DGCR2: variants seen among roughly 807,000 people sequenced by gnomAD.
DGCR2 encodes integral membrane protein DGCR2/IDD.
DGCR2 carries 24 observed loss-of-function variants against 51.6 expected under a neutral mutation model. The ratio of observed to expected loss-of-function variants is 0.47; its 90% CI spans 0.34 to 0.65. DGCR2 has a LOEUF of 0.65. Among genes scored for constraint, DGCR2 ranks in the 30% least tolerant of loss-of-function variants. The pLI is 0.01. For synonymous variants in DGCR2, 340 were observed against 315.4 expected, an observed-to-expected ratio of 1.08 and a Z score of -0.82; for missense variants, 765 against 772.1, an observed-to-expected ratio of 0.99 and a Z score of 0.11.
rs1381274942 is a variant in DGCR2 at position 19,038,765 on chromosome 22, G to A, written c.*100C>T. The A allele has an allele frequency of 6.8e-7, 1 of 1,476,684 alleles. No homozygotes were observed. Among genetic ancestry groups the A allele is most frequent in the East Asian group, 2.3e-5 (1 of 43,724 alleles). The allele number at this position is 1,476,684 out of a possible 1,614,324, so 91.5% of individuals were successfully genotyped here. ...CGCCAGTGACGTGCGGCAGTGCGTG[G>A]CGTCCAGGCTGGGACAGGGGCCTTT... On this transcript the variant is annotated 3_prime_UTR_variant, in exon 10 of 10. Coordinates refer to ENST00000263196, the MANE Select transcript of DGCR2 (RefSeq NM_005137.3).
chr22:19,061,754 C>G (rs2082665643), intron 5 of DGCR2: 1 of 152,232 alleles, frequency 6.6e-6, no homozygotes, highest in Non-Finnish European at 1.5e-5. Context: ...TAACTGGGCA[C>G]AAGCAGGCAG....
rs2082398094 is a variant in DGCR2 at position 19,038,774 on chromosome 22, C to G, written c.*91G>C. 3.3e-6 allele frequency: 5 copies of G among 1,526,316 alleles called. No individual in the cohort carries two copies. The South Asian group carries it at 6.3e-5, about 19-fold the overall frequency. 94.5% of individuals were successfully genotyped at this position (1,526,316 alleles called of 1,614,324 possible). A position where few individuals can be genotyped will look rare whatever the true frequency, so the allele number is the denominator to read the frequency against. The stretch of plus-strand genomic sequence containing the variant: ...CGTGCGGCAGTGCGTGGCGTCCAGG[C>G]TGGGACAGGGGCCTTTCAAGTCTCC... On this transcript the variant is annotated 3_prime_UTR_variant, in exon 10 of 10. Coordinates refer to ENST00000263196, the MANE Select transcript of DGCR2 (RefSeq NM_005137.3).
chr22:19,041,706 G>T, intron 8 of DGCR2, 101 bp downstream of exon 8: 2 of 1,380,046 alleles, frequency 1.4e-6, no homozygotes, highest in Non-Finnish European at 2.0e-6. Context: ...CTTCAAACCT[G>T]CCTCTGCCCC....
chr22:19,056,407 TC>T, intron 6 of DGCR2: 3 of 461,802 alleles, frequency 6.5e-6, no homozygotes, highest in Non-Finnish European at 1.2e-5. Flanking sequence ...ACAAAGCCTC[TC>T]CCCAACCTGC....
At chr22:19,108,077 A>T (rs1307531445) in intron 1 of DGCR2, among the ~76,000 whole-genome samples, 1 of 152,168 alleles carries the variant, frequency 6.6e-6, no homozygotes, top group Non-Finnish European at 1.5e-5. Context: ...ACAGGACACA[A>T]GTGAGAAGAG....
intron 1 of DGCR2, among the ~76,000 whole-genome samples, chr22:19,119,335 G>A (rs1202284385): frequency 6.6e-6 from 1 of 152,156 alleles, no homozygotes; most frequent in Non-Finnish European, 1.5e-5. Context: ...ATCTTTAAAT[G>A]AGGCTAAAAA....
chr22:19,120,362 T>C (rs1200998991), intron 1 of DGCR2, among the ~76,000 whole-genome samples: 2 of 152,130 alleles, frequency 1.3e-5, no homozygotes, highest in Non-Finnish European at 2.9e-5. Context: ...CACCCACCTC[T>C]GGGACCCCAC....
At chr22:19,050,557 A>C (rs1487918946) in intron 6 of DGCR2, among the ~76,000 whole-genome samples, 2 of 152,250 alleles carry the variant, frequency 1.3e-5, no homozygotes, top group Non-Finnish European at 2.9e-5. Context: ...CGTGATTATA[A>C]ATTATAGCCT....
At chr22:19,100,163 G>A (rs572533233) in intron 1 of DGCR2, among the ~76,000 whole-genome samples, 34 of 151,518 alleles carry the variant, frequency 2.2e-4, no homozygotes, top group African/African-American at 7.0e-4. Context: ...CCAGCTACTC[G>A]GAAGGCTGAG....
At chr22:19,039,814 G>A (rs2082411442) in intron 9 of DGCR2, among the ~76,000 whole-genome samples, 1 of 152,138 alleles carries the variant, frequency 6.6e-6, no homozygotes, top group Non-Finnish European at 1.5e-5. Flanking sequence ...TCTGGGCTCA[G>A]GTGATCCTCC....
At chr22:19,082,581 C>T (rs2082952068) in intron 2 of DGCR2, among the ~76,000 whole-genome samples, 2 of 151,832 alleles carry the variant, frequency 1.3e-5, no homozygotes, top group African/African-American at 4.8e-5. Context: ...AAAACCCCGT[C>T]TCTACTAAAA....
At chr22:19,081,743 A>C (rs2082938573) in intron 2 of DGCR2, among the ~76,000 whole-genome samples, 1 of 152,238 alleles carries the variant, frequency 6.6e-6, no homozygotes, top group African/African-American at 2.4e-5. Context: ...TTTGCAAGAT[A>C]ATGTCTCTAT....
Position 19,043,298 on chromosome 22 carries a change from T to C in DGCR2, c.1007-1339A>G, listed in dbSNP as rs754089165. On this transcript the variant is annotated intron_variant, in intron 7 of 9. Transcript: ENST00000263196. ...CTCCAGGACAGCCCCCAACACACAG[T>C]ATCTGGTCCAAATGTCAACACCGCC... Among the ~76,000 whole-genome samples, 3 of 152,170 alleles carry C rather than the reference T, an allele frequency of 2.0e-5. No individual in the cohort carries two copies. In the South Asian group the frequency reaches 6.2e-4, roughly 32 times the overall value.
chr22:19,073,093 T>C (rs1336162831), intron 2 of DGCR2, among the ~76,000 whole-genome samples: 3 of 151,826 alleles, frequency 2.0e-5, no homozygotes, highest in African/African-American at 7.3e-5. Flanking sequence ...CCTGTCTCTA[T>C]GAAAAATAAA....
rs372028469 is a variant in DGCR2 at position 19,089,414 on chromosome 22, G to A, written c.156C>T (p.Asp52=). 1.5e-4 allele frequency: 248 copies of A among 1,610,846 alleles called. 2 individuals carry two copies. The highest frequency in any genetic ancestry group is 1.2e-4 in the Non-Finnish European group (146 of 1,178,548). Residue 52 remains aspartate, a synonymous_variant, in exon 2 of 10, where the codon GAC becomes GAT. Coordinates refer to ENST00000263196, the MANE Select transcript of DGCR2 (RefSeq NM_005137.3). The part of the protein sequence containing the change: ...IQCIPLPWQC[D]GWATCEDESD... ...TCTCATCCTCGCAAGTCGCCCAGCC[G>A]TCACACTGCCAGGGGAGGGGGATGC... is the stretch of plus-strand genomic sequence containing the variant.
chr22:19,063,301 C>G, intron 4 of DGCR2, 23 bp from the exon 5 acceptor site: 1 of 1,608,978 alleles, frequency 6.2e-7, no homozygotes, highest in South Asian at 1.1e-5. Context: ...GAGACAGAGA[C>G]AGAGATCTCA....
chr22:19,060,158 C>G (rs539107965), intron 5 of DGCR2, among the ~76,000 whole-genome samples: 1 of 152,228 alleles, frequency 6.6e-6, no homozygotes, highest in Non-Finnish European at 1.5e-5. Flanking sequence ...AGGGCAGGGT[C>G]TCTACAATGC....
rs777281857 is a variant in DGCR2 at position 19,068,120 on chromosome 22, G to T, written c.308C>A (p.Ala103Glu). 1 of 1,599,564 alleles carries T rather than the reference G, an allele frequency of 6.3e-7. No homozygotes were observed. The highest frequency in any genetic ancestry group is 1.7e-5 in the Admixed American group (1 of 58,042). The stretch of plus-strand genomic sequence containing the variant: ...CTTACTGCTGAAGCGAACGGGCTGC[G>T]CCACGTTCACCGCGTGGAAGTGCGA... Reference protein sequence around the residue: ...DPSHFHAVNVAQPVRFSSFLG... With the variant: ...DPSHFHAVNVEQPVRFSSFLG... Residue 103 changes from alanine to glutamate, a missense_variant, in exon 3 of 10, where the codon GCG (alanine) becomes GAG (glutamate). Physicochemically the swap from Ala to Glu is moderately radical, Grantham distance 107. Around this residue, in one of 3 missense-constraint regions of DGCR2, gnomAD observed 370 missense variants for 325.5 expected, o/e 1.14. Coordinates refer to ENST00000263196, the MANE Select transcript of DGCR2 (RefSeq NM_005137.3).
At chr22:19,039,551 G>T (rs1262296460) in intron 9 of DGCR2, among the ~76,000 whole-genome samples, 1 of 152,182 alleles carries the variant, frequency 6.6e-6, no homozygotes, top group Non-Finnish European at 1.5e-5. Context: ...CAGGTGGGTG[G>T]AAGAACATTC....
Sources: gnomAD v4.1 joint callset for allele counts (sites outside exome capture counted in the v4.1 genomes callset) on GRCh38, gnomAD v4.1.1 for gene constraint, gnomAD v4.1.1 regional missense constraint, MANE v1.5 for transcripts, NCBI Gene and HGNC (gene_info 2026-07-23, HGNC 2026-07-21) for gene names.